The following CDK6 variants were observed in gnomAD, a reference collection of about 807,000 sequenced individuals.
CDK6 encodes cyclin dependent kinase 6.
In CDK6, 6 loss-of-function variants were observed where a neutral mutation model predicts 37.1. The ratio of observed to expected loss-of-function variants is 0.16; its 90% CI spans 0.09 to 0.32. CDK6 has a LOEUF of 0.32. CDK6 is among the 10% of genes least tolerant of loss of function. The probability of loss-of-function intolerance (pLI) is 1.00; values close to 1 mark genes in which losing one functional copy is unlikely to be tolerated. For synonymous variants in CDK6, 160 were observed against 161.3 expected (o/e 0.99, Z 0.06); for missense variants, 224 against 418.9 (o/e 0.53, Z 4.06).
intron 3 of CDK6, among the ~76,000 whole-genome samples, chr7:92,767,807 G>A (rs1375009453): frequency 6.6e-6 from 1 of 151,974 alleles, no homozygotes; most frequent in African/African-American, 2.4e-5. Flanking sequence ...TTTCTGTGGA[G>A]AAAATATTTC....
chr7:92,812,589 T>C (rs1176317653), intron 2 of CDK6, among the ~76,000 whole-genome samples: 2 of 151,962 alleles, frequency 1.3e-5, no homozygotes, highest in Non-Finnish European at 2.9e-5. Context: ...CCTGGCTAAA[T>C]TTTAGGAAAT....
chr7:92,710,697 T>C, intron 4 of CDK6: 1 of 985,268 alleles, frequency 1.0e-6, no homozygotes, highest in Non-Finnish European at 1.2e-6. Context: ...CAAAGCAGAA[T>C]TGCCTAGGAA....
chr7:92,798,353 T>C (rs1363239309), intron 2 of CDK6, among the ~76,000 whole-genome samples: 2 of 152,234 alleles, frequency 1.3e-5, no homozygotes, highest in Non-Finnish European at 2.9e-5. Flanking sequence ...AGCTTGATGA[T>C]CTAATGAAAT....
chr7:92,786,849 A>T (rs939641410), intron 2 of CDK6, among the ~76,000 whole-genome samples: 73 of 152,150 alleles, frequency 4.8e-4, no homozygotes, highest in African/African-American at 1.7e-3. Context: ...AAGAGTGTGT[A>T]CAGTATGATT....
intron 2 of CDK6, among the ~76,000 whole-genome samples, chr7:92,817,663 AG>A (rs1300050132): frequency 6.6e-6 from 1 of 151,774 alleles, no homozygotes; most frequent in East Asian, 1.9e-4. Flanking sequence ...AAAAAAAGAA[AG>A]GAAAAGAAAT....
chr7:92,689,334 G>A (rs1334082269), intron 4 of CDK6, among the ~76,000 whole-genome samples: 4 of 152,176 alleles, frequency 2.6e-5, no homozygotes, highest in Admixed American at 2.6e-4. Flanking sequence ...ACTTGTAAGT[G>A]AGAACATGCA....
At chr7:92,651,305 T>C (rs959533144) in intron 5 of CDK6, among the ~76,000 whole-genome samples, 12 of 152,222 alleles carry the variant, frequency 7.9e-5, no homozygotes, top group Non-Finnish European at 1.0e-4. Flanking sequence ...CCTTCTGCTA[T>C]GTAATGTAAC....
intron 2 of CDK6, among the ~76,000 whole-genome samples, chr7:92,796,217 A>AT (rs1238829938): frequency 1.3e-5 from 2 of 151,932 alleles, no homozygotes; most frequent in African/African-American, 4.8e-5. Flanking sequence ...TATTTATACA[A>AT]TTTTTTAAAA....
At chr7:92,770,651 C>A (rs1799690297) in intron 3 of CDK6, among the ~76,000 whole-genome samples, 1 of 151,978 alleles carries the variant, frequency 6.6e-6, no homozygotes, top group Admixed American at 6.6e-5. Flanking sequence ...TCATCATGGG[C>A]TCTTTTCTAA....
At chr7:92,753,548 A>C (rs1799238592) in intron 3 of CDK6, among the ~76,000 whole-genome samples, 1 of 152,154 alleles carries the variant, frequency 6.6e-6, no homozygotes. Flanking sequence ...GCTGGAGTGC[A>C]GTGGTGCAAC....
In CDK6 at chr7:92,610,633, G is replaced by C. The variant is rs957435752; in HGVS notation, c.*4507C>G. On this transcript the variant is annotated 3_prime_UTR_variant, in exon 8 of 8. Transcript: ENST00000424848. The stretch of plus-strand genomic sequence containing the variant: ...TATAGAAAGGGAGTAAATAAGAAAT[G>C]AAAATGCTAGTTTCTCATGCTTTTG... The C allele has an allele frequency of 8.8e-6, 2 of 227,708 alleles. No individual in the cohort carries two copies. Among genetic ancestry groups the C allele is most frequent in the Non-Finnish European group, 1.7e-5 (2 of 114,744 alleles). The allele number at this position is 227,708 out of a possible 1,614,324, so 14.1% of individuals were successfully genotyped here.
At chr7:92,627,931 TA>T (rs200802807) in intron 5 of CDK6, among the ~76,000 whole-genome samples, 6,465 of 148,960 alleles carry the variant, frequency 0.043, 182 homozygotes, top group Non-Finnish European at 0.059. Flanking sequence ...AAAAATAAAT[TA>T]AAAAAAAAAC....
At chr7:92,687,352 G>A (rs1232339803) in intron 4 of CDK6, among the ~76,000 whole-genome samples, 1 of 152,124 alleles carries the variant, frequency 6.6e-6, no homozygotes, top group Non-Finnish European at 1.5e-5. Flanking sequence ...TGCAATATCT[G>A]ACACACGGCA....
intron 2 of CDK6, among the ~76,000 whole-genome samples, chr7:92,778,999 G>A (rs1418335662): frequency 6.7e-6 from 1 of 148,536 alleles, no homozygotes; most frequent in Admixed American, 6.7e-5. Context: ...GGGCATAACT[G>A]GAGAATAAAG....
intron 5 of CDK6, among the ~76,000 whole-genome samples, chr7:92,624,985 T>C (rs1296082329): frequency 6.6e-6 from 1 of 152,080 alleles, no homozygotes; most frequent in Non-Finnish European, 1.5e-5. Context: ...AGATTTTTTT[T>C]TGACTGGGGA....
Position 92,833,005 on chromosome 7 carries a change from C to A in CDK6, c.233+86G>T. On this transcript the variant is annotated intron_variant, in intron 2 of 7. Transcript: ENST00000424848. The surrounding 1 kb of genome is among the most constrained non-coding windows in gnomAD (Gnocchi z 6.1). Reference sequence around the variant, plus strand: ...ACCTCCCCAGTCGCCCTCTGCCCCGCACCTTTCTGGGCCTGAGGATTCCCG... The same window carrying A: ...ACCTCCCCAGTCGCCCTCTGCCCCGAACCTTTCTGGGCCTGAGGATTCCCG... 1.0e-6 allele frequency: 1 copy of A among 954,524 alleles called. No individual in the cohort carries two copies. The highest frequency in any genetic ancestry group is 1.6e-6 in the Non-Finnish European group (1 of 632,896). 59.1% of individuals were successfully genotyped at this position (954,524 alleles called of 1,614,324 possible). A position where few individuals can be genotyped will look rare whatever the true frequency, so the allele number is the denominator to read the frequency against.
At chr7:92,813,168 C>A (rs1800932398) in intron 2 of CDK6, among the ~76,000 whole-genome samples, 1 of 151,578 alleles carries the variant, frequency 6.6e-6, no homozygotes, top group Admixed American at 6.6e-5. Flanking sequence ...TTTTAAGGAC[C>A]CTGAAGTCCT....
At chr7:92,648,715 TA>T (rs1796504527) in intron 5 of CDK6, among the ~76,000 whole-genome samples, 1 of 152,210 alleles carries the variant, frequency 6.6e-6, no homozygotes, top group Non-Finnish European at 1.5e-5. Context: ...TGACCATCTA[TA>T]AGATGATCTC....
At chr7:92,651,133 T>A (rs1168799166) in intron 5 of CDK6, among the ~76,000 whole-genome samples, 1 of 152,138 alleles carries the variant, frequency 6.6e-6, no homozygotes, top group Non-Finnish European at 1.5e-5. Flanking sequence ...CAGGGGATCC[T>A]CCTGCCACGG....
Sources: gnomAD v4.1 joint callset for allele counts (sites outside exome capture counted in the v4.1 genomes callset) on GRCh38, gnomAD v4.1.1 for gene constraint, Gnocchi (gnomAD v3.1) non-coding constraint, MANE v1.5 for transcripts, NCBI Gene and HGNC (gene_info 2026-07-23, HGNC 2026-07-21) for gene names.